Variants in IPO11 observed in about 807,000 individuals in gnomAD.
IPO11 encodes importin-11.
In IPO11, 66 loss-of-function variants were observed where a neutral mutation model predicts 143.2. The observed-to-expected ratio is 0.46, with a 90% confidence interval of 0.38 to 0.57. The LOEUF (loss-of-function observed/expected upper bound fraction) is 0.57, where lower values mean the gene tolerates loss of function less well. Ranked by LOEUF, IPO11 falls within the 20% of genes least tolerant of loss-of-function variation. The pLI, the probability that IPO11 is intolerant of heterozygous loss-of-function variation, is 0.00. For missense variants in IPO11, 1,026 were observed against 1,141.0 expected (o/e 0.90, Z 1.45); for synonymous variants, 385 against 377.8 (o/e 1.02, Z -0.22).
chr5:62,450,780 T>C (rs1206330141), intron 4 of IPO11, among the ~76,000 whole-genome samples: 1 of 152,122 alleles, frequency 6.6e-6, no homozygotes, highest in Non-Finnish European at 1.5e-5. Context: ...TACAGCTTTA[T>C]CTTTTTTTTT....
At chr5:62,454,353 A>G (rs1479519195) in intron 5 of IPO11, among the ~76,000 whole-genome samples, 1 of 151,980 alleles carries the variant, frequency 6.6e-6, no homozygotes, top group African/African-American at 2.4e-5. Flanking sequence ...CAAACCCTTC[A>G]CTTCTAGGAC....
At chr5:62,416,877 A>G (rs1471878478) in intron 1 of IPO11, among the ~76,000 whole-genome samples, 1 of 151,974 alleles carries the variant, frequency 6.6e-6, no homozygotes, top group South Asian at 2.1e-4. Context: ...GGTGAGGCGC[A>G]GGCCACCATG....
intron 24 of IPO11, among the ~76,000 whole-genome samples, chr5:62,547,918 A>AG (rs1236030435): frequency 6.6e-6 from 1 of 152,104 alleles, no homozygotes; most frequent in Non-Finnish European, 1.5e-5. Context: ...AAAGAAAAAA[A>AG]CTGTAGACAC....
chr5:62,435,090 A>ATGTGTATATGTGTATATATG (rs796144428), intron 1 of IPO11, among the ~76,000 whole-genome samples: 1 of 82,298 alleles, frequency 1.2e-5, no homozygotes, highest in Admixed American at 1.2e-4. Flanking sequence ...ATGTGTATAT[A>ATGTGTATATGTGTATATATG]TGTATATATG....
intron 5 of IPO11, among the ~76,000 whole-genome samples, chr5:62,460,986 T>C (rs1745340598): frequency 6.6e-6 from 1 of 152,216 alleles, no homozygotes; most frequent in African/African-American, 2.4e-5. Flanking sequence ...CTTCCTGTGG[T>C]TTCTTCTTTA....
chr5:62,538,608 T>G (rs1742818142), intron 24 of IPO11, among the ~76,000 whole-genome samples: 2 of 152,218 alleles, frequency 1.3e-5, no homozygotes, highest in Admixed American at 6.5e-5. Flanking sequence ...GTAAGTTTCC[T>G]GAGGCCTCCC....
At chr5:62,441,828 C>T (rs986165725) in intron 2 of IPO11, among the ~76,000 whole-genome samples, 2 of 149,984 alleles carry the variant, frequency 1.3e-5, no homozygotes, top group Non-Finnish European at 3.0e-5. Context: ...CTTTATATCT[C>T]TTAAAAATGT....
At chr5:62,611,294 A>G (rs1014262502) in intron 29 of IPO11, among the ~76,000 whole-genome samples, 2 of 152,196 alleles carry the variant, frequency 1.3e-5, no homozygotes, top group South Asian at 4.1e-4. Flanking sequence ...ATGAATTGAA[A>G]TAATCCAACT....
intron 29 of IPO11, among the ~76,000 whole-genome samples, chr5:62,608,553 T>C (rs1359530440): frequency 1.3e-5 from 2 of 152,228 alleles, no homozygotes; most frequent in Admixed American, 1.3e-4. Context: ...AAATGACTTG[T>C]CTCCACACGT....
In IPO11 at chr5:62,579,240, C is replaced by T. The variant is rs896987955; in HGVS notation, c.2583-12337C>T. Among the ~76,000 whole-genome samples, 6 of 152,040 alleles carry T rather than the reference C, an allele frequency of 3.9e-5. No individual in the cohort carries two copies. In the South Asian group the frequency reaches 6.2e-4, roughly 16 times the overall value. ...CCTGATCATGTTAATAATTCTAGAA[C>T]GTATTCCATACTCATTATTTTTTGC... On this transcript the variant is annotated intron_variant, in intron 27 of 29. Transcript: ENST00000325324.
chr5:62,605,741 T>TA (rs200867802), intron 29 of IPO11, among the ~76,000 whole-genome samples: 3 of 144,846 alleles, frequency 2.1e-5, no homozygotes, highest in African/African-American at 5.0e-5. Flanking sequence ...TTATTATTAT[T>TA]TTATTTACTT....
At chr5:62,429,050 C>T (rs1179480064) in intron 1 of IPO11, among the ~76,000 whole-genome samples, 1 of 152,168 alleles carries the variant, frequency 6.6e-6, no homozygotes, top group Non-Finnish European at 1.5e-5. Flanking sequence ...CCGTGTAATT[C>T]ACGCACTGAA....
At chr5:62,454,594 G>A (rs1745060295) in intron 5 of IPO11, among the ~76,000 whole-genome samples, 1 of 152,106 alleles carries the variant, frequency 6.6e-6, no homozygotes, top group South Asian at 2.1e-4. Context: ...GTGTGAGTTA[G>A]CTTCTTGCTT....
At chr5:62,492,900 T>G (rs1740978765) in intron 15 of IPO11, among the ~76,000 whole-genome samples, 1 of 152,096 alleles carries the variant, frequency 6.6e-6, no homozygotes, top group African/African-American at 2.4e-5. Flanking sequence ...AAAATTGCAA[T>G]TTTTTGGGAA....
intron 5 of IPO11, among the ~76,000 whole-genome samples, chr5:62,463,648 G>T (rs1352436809): frequency 6.7e-6 from 1 of 149,822 alleles, no homozygotes; most frequent in East Asian, 2.0e-4. Context: ...TCTAGCCTGG[G>T]CAACAGAGTG....
intron 29 of IPO11, among the ~76,000 whole-genome samples, chr5:62,606,754 A>G (rs574508523): frequency 1.3e-5 from 2 of 152,318 alleles, no homozygotes; most frequent in East Asian, 3.9e-4. Context: ...TGTGTTTTAA[A>G]TTGAAACATA....
In IPO11 at chr5:62,550,381, C is replaced by T; in HGVS notation, c.2265C>T (p.Ala755=). Residue 755 remains alanine (A), a synonymous_variant, in exon 25 of 30, where the codon GCC becomes GCT. Transcript: ENST00000325324. Reference sequence around the variant, plus strand: ...CTGGTTTTTAGGTTGTGGAAAATGCCCTTAAAGTGAACCCAATACTAGGTC... The same window carrying T: ...CTGGTTTTTAGGTTGTGGAAAATGCTCTTAAAGTGAACCCAATACTAGGTC... ...QVQVLKVVEN[A]LKVNPILGPQ... is the part of the protein sequence containing the mutation. 1 of 1,611,252 alleles carries T rather than the reference C, an allele frequency of 6.2e-7. No homozygotes were observed. Among genetic ancestry groups the T allele is most frequent in the Non-Finnish European group, 8.5e-7 (1 of 1,178,104 alleles).
At chr5:62,495,863 A>G (rs749975231) in intron 16 of IPO11, among the ~76,000 whole-genome samples, 2 of 152,252 alleles carry the variant, frequency 1.3e-5, no homozygotes, top group Non-Finnish European at 2.9e-5. Flanking sequence ...CCTTAAAAAC[A>G]GAACATTAAT....
chr5:62,574,799 A>C (rs1277459577), intron 27 of IPO11, among the ~76,000 whole-genome samples: 1 of 152,208 alleles, frequency 6.6e-6, no homozygotes, highest in Non-Finnish European at 1.5e-5. Context: ...GAAGTTAAAA[A>C]TGTTCTTCTA....
Sources: gnomAD v4.1 joint callset for allele counts (sites outside exome capture counted in the v4.1 genomes callset) on GRCh38, gnomAD v4.1.1 for gene constraint, MANE v1.5 for transcripts, NCBI Gene and HGNC (gene_info 2026-07-23, HGNC 2026-07-21) for gene names.